The following FHIT variants were observed in gnomAD, a reference collection of about 807,000 sequenced individuals.
FHIT encodes fragile histidine triad diadenosine triphosphatase, also known as bis(5'-adenosyl)-triphosphatase.
FHIT carries 19 observed loss-of-function variants against 17.9 expected under a neutral mutation model. The ratio of observed to expected loss-of-function variants is 1.06; its 90% CI spans 0.74 to 1.56. The LOEUF is 1.56. Ranked by LOEUF, FHIT falls within the 40% of genes most tolerant of loss-of-function variation. The probability of loss-of-function intolerance (pLI) is 0.00; values close to 1 mark genes in which losing one functional copy is unlikely to be tolerated. For synonymous variants in FHIT, 81 were observed against 69.7 expected (o/e 1.16, Z -0.81); for missense variants, 248 against 189.2 (o/e 1.31, Z -1.82).
chr3:59,828,847 CTG>C (rs56245948), intron 8 of FHIT, among the ~76,000 whole-genome samples: 3 of 150,878 alleles, frequency 2.0e-5, no homozygotes, highest in African/African-American at 7.4e-5. Flanking sequence ...GGTACTCTCT[CTG>C]TGTGTGTGTG....
intron 5 of FHIT, among the ~76,000 whole-genome samples, chr3:60,389,291 G>A (rs543943843): frequency 1.3e-5 from 2 of 151,260 alleles, no homozygotes; most frequent in South Asian, 4.1e-4. Context: ...ATGCTGAAGT[G>A]TGAGGCTTAC....
chr3:60,509,681 T>C (rs1017433481), intron 5 of FHIT, among the ~76,000 whole-genome samples: 6 of 152,196 alleles, frequency 3.9e-5, no homozygotes, highest in Admixed American at 2.0e-4. Flanking sequence ...TCTAAGCACA[T>C]TTACATTTTC....
chr3:61,151,134 G>C (rs143155395), intron 2 of FHIT, among the ~76,000 whole-genome samples: 6 of 152,244 alleles, frequency 3.9e-5, no homozygotes, highest in African/African-American at 1.4e-4. Flanking sequence ...CTTCTTTATG[G>C]CTTCTTATAT....
At chr3:60,624,638 A>G (rs962966203) in intron 4 of FHIT, among the ~76,000 whole-genome samples, 4 of 152,226 alleles carry the variant, frequency 2.6e-5, no homozygotes, top group Admixed American at 2.6e-4. Context: ...CTTGGAATAA[A>G]TAATATTACT....
At chr3:60,484,488 C>T (rs1375179417) in intron 5 of FHIT, among the ~76,000 whole-genome samples, 1 of 152,140 alleles carries the variant, frequency 6.6e-6, no homozygotes, top group Non-Finnish European at 1.5e-5. Flanking sequence ...ACCAATGGAA[C>T]AGAACAGAGG....
chr3:60,285,661 C>G (rs1439716847), intron 5 of FHIT, among the ~76,000 whole-genome samples: 1 of 152,096 alleles, frequency 6.6e-6, no homozygotes, highest in Non-Finnish European at 1.5e-5. Context: ...CCTAACTTAA[C>G]CAGTTTGAAC....
At chr3:60,114,772 G>A (rs1704878288) in intron 5 of FHIT, among the ~76,000 whole-genome samples, 3 of 151,702 alleles carry the variant, frequency 2.0e-5, no homozygotes, top group Non-Finnish European at 4.4e-5. Context: ...TTGCACTGAT[G>A]GGCTAAACTT....
intron 5 of FHIT, among the ~76,000 whole-genome samples, chr3:60,252,138 T>C (rs1483604309): frequency 6.6e-6 from 1 of 152,174 alleles, no homozygotes; most frequent in Non-Finnish European, 1.5e-5. Flanking sequence ...CAAAAATATT[T>C]TTGCAACAGC....
intron 8 of FHIT, among the ~76,000 whole-genome samples, chr3:59,818,952 T>G (rs528689868): frequency 6.6e-6 from 1 of 152,196 alleles, no homozygotes; most frequent in Non-Finnish European, 1.5e-5. Flanking sequence ...ATGACTACTC[T>G]GTGTCAGAGT....
chr3:61,120,740 T>C (rs184434046), intron 2 of FHIT, among the ~76,000 whole-genome samples: 3 of 152,132 alleles, frequency 2.0e-5, no homozygotes, highest in Admixed American at 6.6e-5. Context: ...GGACCAAGAA[T>C]GAGTTTGACG....
intron 1 of FHIT, among the ~76,000 whole-genome samples, chr3:61,247,746 T>C (rs1044791173): frequency 6.6e-6 from 1 of 152,218 alleles, no homozygotes; most frequent in Non-Finnish European, 1.5e-5. Context: ...GAAATGTGAA[T>C]TTTCATATAT....
intron 3 of FHIT, among the ~76,000 whole-genome samples, chr3:60,939,709 C>T (rs566276113): frequency 1.6e-4 from 24 of 151,944 alleles, no homozygotes; most frequent in Non-Finnish European, 2.2e-4. Flanking sequence ...GACATAAATG[C>T]GAACCAAATA....
intron 5 of FHIT, among the ~76,000 whole-genome samples, chr3:60,413,115 T>C (rs1237506281): frequency 1.3e-5 from 2 of 152,194 alleles, no homozygotes; most frequent in Non-Finnish European, 2.9e-5. Context: ...AGACATGTTG[T>C]TGATGTTGAC....
chr3:60,333,872 C>T (rs1710109878), intron 5 of FHIT, among the ~76,000 whole-genome samples: 1 of 152,124 alleles, frequency 6.6e-6, no homozygotes, highest in Admixed American at 6.5e-5. Flanking sequence ...ATGTCAGATC[C>T]CTCACCCATC....
At chr3:60,093,397 CT>C (rs1452222776) in intron 5 of FHIT, among the ~76,000 whole-genome samples, 7 of 152,138 alleles carry the variant, frequency 4.6e-5, no homozygotes, top group African/African-American at 1.7e-4. Flanking sequence ...TCTAAGAATC[CT>C]TGAGATTACA....
chr3:60,550,610 CA>C lies in FHIT; in HGVS notation c.-17-13632del, dbSNP rs1306918896. ...ATCAGTTACCTCTTCTCTGTTCTGTCATTTTTTTTTTTTTTGTAAACCTACT... is the reference window on the plus strand; with the variant it reads ...ATCAGTTACCTCTTCTCTGTTCTGTCTTTTTTTTTTTTTTGTAAACCTACT... On this transcript the variant is annotated intron_variant, in intron 4 of 9. Transcript: ENST00000492590. Among the ~76,000 whole-genome samples, 19 of 22,768 alleles carry C rather than the reference CA, an allele frequency of 8.3e-4. No homozygotes were observed. In the East Asian group the frequency reaches 0.018, roughly 22 times the overall value. The allele number at this position is 22,768 out of a possible 152,430, so 14.9% of individuals were successfully genotyped here.
intron 5 of FHIT, among the ~76,000 whole-genome samples, chr3:60,384,266 T>TAAA (rs536000752): frequency 6.5e-5 from 9 of 137,984 alleles, no homozygotes; most frequent in African/African-American, 5.4e-5. Flanking sequence ...GACTCCGTCT[T>TAAA]AAAAAAAAAA....
At chr3:59,970,838 ATTT>A (rs34305760) in intron 7 of FHIT, among the ~76,000 whole-genome samples, 16 of 144,506 alleles carry the variant, frequency 1.1e-4, no homozygotes, top group Admixed American at 3.5e-4. Context: ...CACTCCAGCC[ATTT>A]TTTTTTTTTT....
chr3:60,218,996 G>C (rs767516501), intron 5 of FHIT, among the ~76,000 whole-genome samples: 1 of 151,994 alleles, frequency 6.6e-6, no homozygotes, highest in South Asian at 2.1e-4. Context: ...TTCTTCAAAG[G>C]CTCTCATGAA....
Sources: allele counts gnomAD v4.1 joint callset (sites outside exome capture counted in the v4.1 genomes callset), GRCh38; gene constraint gnomAD v4.1.1; transcripts MANE v1.5; gene names NCBI Gene and HGNC (gene_info 2026-07-23, HGNC 2026-07-21).